Variants in DSCAM observed in about 807,000 individuals in gnomAD.
DSCAM encodes cell adhesion molecule DSCAM.
Under a neutral mutation model 217.7 loss-of-function variants are expected in DSCAM, and 47 were observed. The observed-to-expected ratio is 0.22, with a 90% CI of 0.17 to 0.28. The LOEUF is 0.28. Among genes scored for constraint, DSCAM ranks in the 10% least tolerant of loss-of-function variants. The pLI is 1.00. For synonymous variants in DSCAM, 1,056 were observed against 1,015.3 expected, an observed-to-expected ratio of 1.04 and a Z score of -0.76; for missense variants, 2,080 against 2,618.3, an observed-to-expected ratio of 0.79 and a Z score of 4.49.
chr21:40,567,741 T>C (rs993075857), intron 3 of DSCAM, among the ~76,000 whole-genome samples: 4 of 152,246 alleles, frequency 2.6e-5, no homozygotes, highest in African/African-American at 9.6e-5. Context: ...TGTTTGCTAA[T>C]GTGTTAGCAT....
chr21:40,127,974 C>T (rs1256931251), intron 19 of DSCAM, among the ~76,000 whole-genome samples: 3 of 152,032 alleles, frequency 2.0e-5, no homozygotes, highest in African/African-American at 4.8e-5. Context: ...CCACCCTCTG[C>T]CTTCTTCCTG....
intron 5 of DSCAM, among the ~76,000 whole-genome samples, chr21:40,351,928 G>A (rs566147036): frequency 2.0e-5 from 3 of 152,168 alleles, no homozygotes; most frequent in Non-Finnish European, 4.4e-5. Context: ...CTTCCATGTG[G>A]AGGAAGCAAC....
intron 1 of DSCAM, among the ~76,000 whole-genome samples, chr21:40,790,657 T>C (rs2091634054): frequency 1.3e-5 from 2 of 152,204 alleles, no homozygotes; most frequent in African/African-American, 4.8e-5. Flanking sequence ...TGTGCACATG[T>C]GTATGTGAGT....
chr21:40,424,074 C>T (rs539371218), intron 3 of DSCAM, among the ~76,000 whole-genome samples: 1 of 152,114 alleles, frequency 6.6e-6, no homozygotes, highest in Admixed American at 6.5e-5. Flanking sequence ...TTGAATTGTC[C>T]TATTTTTAAA....
chr21:40,619,979 G>C (rs34142691), intron 3 of DSCAM, among the ~76,000 whole-genome samples: 7,187 of 110,092 alleles, frequency 0.065, 255 homozygotes, highest in South Asian at 0.11. Flanking sequence ...AGAAGGAAAA[G>C]AAAAAGAAAG....
intron 3 of DSCAM, among the ~76,000 whole-genome samples, chr21:40,486,238 C>G (rs1359747647): frequency 6.6e-6 from 1 of 152,156 alleles, no homozygotes; most frequent in Non-Finnish European, 1.5e-5. Flanking sequence ...GGGATAATCA[C>G]CCGGCATGGT....
intron 27 of DSCAM, among the ~76,000 whole-genome samples, chr21:40,073,228 G>A (rs2089320993): frequency 1.3e-5 from 2 of 152,174 alleles, no homozygotes. Context: ...AGGAGTCAGG[G>A]AAAAGAAGAA....
chr21:40,653,906 G>C (rs2090044015), intron 3 of DSCAM, among the ~76,000 whole-genome samples: 1 of 151,928 alleles, frequency 6.6e-6, no homozygotes, highest in African/African-American at 2.4e-5. Flanking sequence ...ACCAGCCTGG[G>C]CAACATGGTG....
chr21:40,370,673 T>A (rs2074887513), intron 3 of DSCAM, among the ~76,000 whole-genome samples: 1 of 152,112 alleles, frequency 6.6e-6, no homozygotes, highest in Admixed American at 6.5e-5. Flanking sequence ...CAGGCTGTGG[T>A]GCAGTGGTAT....
In DSCAM at chr21:40,133,970, G is replaced by A; in HGVS notation, c.3446C>T (p.Ser1149Leu). 1 of 1,613,446 alleles carries A rather than the reference G, an allele frequency of 6.2e-7. No individual in the cohort carries two copies. The highest frequency in any genetic ancestry group is 1.1e-5 in the South Asian group (1 of 90,980). ...EIKNITTTQPSLELDGLEKYT... is the reference protein window; with the variant it reads ...EIKNITTTQPLLELDGLEKYT... Reference sequence around the variant, plus strand: ...CTTTTCCAGCCCGTCCAGCTCCAGTGAAGGCTGTGTGGTGGTGATGTTTTT... The same window carrying A: ...CTTTTCCAGCCCGTCCAGCTCCAGTAAAGGCTGTGTGGTGGTGATGTTTTT... Residue 1149 changes from serine (S) to leucine (L), a missense_variant, in exon 19 of 33, where the codon TCA becomes TTA. By Grantham distance (145) the Ser-to-Leu change is moderately radical. This residue lies in a region of DSCAM where 1,144 missense variants were observed against 1,421.1 expected (regional missense o/e 0.81). Transcript: ENST00000400454.
chr21:40,352,323 C>T (rs1191301677), intron 5 of DSCAM, among the ~76,000 whole-genome samples: 1 of 152,154 alleles, frequency 6.6e-6, no homozygotes, highest in Non-Finnish European at 1.5e-5. Flanking sequence ...TACTGGCTGT[C>T]CAATGCTGCA....
chr21:40,429,414 G>A (rs1268047916), intron 3 of DSCAM, among the ~76,000 whole-genome samples: 1 of 151,974 alleles, frequency 6.6e-6, no homozygotes, highest in Non-Finnish European at 1.5e-5. Context: ...TTATAGGCAT[G>A]CACCACCACG....
At chr21:40,145,495 T>C (rs941280195) in intron 16 of DSCAM, among the ~76,000 whole-genome samples, 61 of 152,070 alleles carry the variant, frequency 4.0e-4, no homozygotes, top group African/African-American at 1.5e-3. Flanking sequence ...GTCCACCAGG[T>C]CAAAGTAGGA....
At chr21:40,289,037 T>A (rs914428071) in intron 10 of DSCAM, among the ~76,000 whole-genome samples, 36 of 152,338 alleles carry the variant, frequency 2.4e-4, no homozygotes, top group African/African-American at 8.4e-4. Context: ...CCTTTGTATA[T>A]AAACAATAGA....
intron 8 of DSCAM, among the ~76,000 whole-genome samples, chr21:40,334,202 A>G (rs1299935304): frequency 1.3e-5 from 2 of 152,050 alleles, no homozygotes; most frequent in African/African-American, 4.8e-5. Flanking sequence ...ATGTCACCAG[A>G]TCTGCAGCCT....
chr21:40,408,324 A>G (rs1295744259), intron 3 of DSCAM, among the ~76,000 whole-genome samples: 1 of 152,124 alleles, frequency 6.6e-6, no homozygotes, highest in East Asian at 1.9e-4. Flanking sequence ...AAAAGCTGGA[A>G]TTTAAGGTAA....
At chr21:40,745,999 A>C (rs2091170478) in intron 1 of DSCAM, among the ~76,000 whole-genome samples, 1 of 152,042 alleles carries the variant, frequency 6.6e-6, no homozygotes. Context: ...ACTTGTTTTA[A>C]CTATAACATG....
chr21:40,454,953 G>C (rs1601656821), intron 3 of DSCAM, among the ~76,000 whole-genome samples: 1 of 152,224 alleles, frequency 6.6e-6, no homozygotes, highest in Non-Finnish European at 1.5e-5. Flanking sequence ...GACCTTGGTA[G>C]GCTGGAGAGA....
At chr21:40,550,206 T>G (rs957923830) in intron 3 of DSCAM, among the ~76,000 whole-genome samples, 2 of 152,104 alleles carry the variant, frequency 1.3e-5, no homozygotes, top group Non-Finnish European at 2.9e-5. Context: ...TCCCAGGGCT[T>G]TCTGCTGTTT....
Sources: allele counts gnomAD v4.1 joint callset (sites outside exome capture counted in the v4.1 genomes callset), GRCh38; gene constraint gnomAD v4.1.1; regional missense constraint gnomAD v4.1.1; transcripts MANE v1.5; gene names NCBI Gene and HGNC (gene_info 2026-07-23, HGNC 2026-07-21).